Variants in FRAS1 observed in about 807,000 individuals in gnomAD.
The protein encoded by FRAS1 is Fraser extracellular matrix complex subunit 1.
FRAS1 carries 290 observed loss-of-function variants against 435.2 expected under a neutral mutation model. The ratio of observed to expected loss-of-function variants is 0.67; its 90% CI spans 0.61 to 0.73. The LOEUF is 0.73. Among genes scored for constraint, FRAS1 ranks in the 30% least tolerant of loss-of-function variants. The probability of loss-of-function intolerance (pLI) is 0.00; values close to 1 mark genes in which losing one functional copy is unlikely to be tolerated. For synonymous variants in FRAS1, 1,800 were observed against 1,851.0 expected, an observed-to-expected ratio of 0.97 and a Z score of 0.71; for missense variants, 4,860 against 5,001.5, an observed-to-expected ratio of 0.97 and a Z score of 0.85.
intron 63 of FRAS1, among the ~76,000 whole-genome samples, chr4:78,509,371 A>C (rs80309071): frequency 0.14 from 21,962 of 152,056 alleles, 1,901 homozygotes; most frequent in Non-Finnish European, 0.21. Flanking sequence ...TCAGTGAAAA[A>C]CTCCAGATAG....
intron 40 of FRAS1, among the ~76,000 whole-genome samples, chr4:78,440,221 A>G (rs954221404): frequency 6.6e-6 from 1 of 150,780 alleles, no homozygotes; most frequent in Admixed American, 6.6e-5. Context: ...TTTAGTAGAG[A>G]CGGGGTTTCA....
At chr4:78,539,891 A>G (rs1721996502) in intron 73 of FRAS1, among the ~76,000 whole-genome samples, 1 of 152,218 alleles carries the variant, frequency 6.6e-6, no homozygotes, top group African/African-American at 2.4e-5. Context: ...TCAAGATGAA[A>G]TTTCACTTTT....
At chr4:78,237,921 C>T (rs994277568) in intron 3 of FRAS1, among the ~76,000 whole-genome samples, 1 of 152,010 alleles carries the variant, frequency 6.6e-6, no homozygotes, top group Non-Finnish European at 1.5e-5. Flanking sequence ...ATCTTTATCC[C>T]CACTTTATAG....
In FRAS1 at chr4:78,141,364, A is replaced by G. The variant is rs569915122; in HGVS notation, c.108+75348A>G. Among the ~76,000 whole-genome samples the G allele has an allele frequency of 4.6e-5, 7 of 152,274 alleles. No individual in the cohort carries two copies. In the East Asian group the frequency reaches 1.3e-3, roughly 29 times the overall value. ...TAAATTGAAGTGGGTTATGAAAAGA[A>G]TGTTTATTTGAGATTTCATTTTAAA... On this transcript the variant is annotated intron_variant, in intron 2 of 73. Transcript: ENST00000512123.
intron 70 of FRAS1, among the ~76,000 whole-genome samples, chr4:78,532,407 A>G (rs1481000012): frequency 6.6e-6 from 1 of 152,066 alleles, no homozygotes; most frequent in Admixed American, 6.6e-5. Flanking sequence ...TATGGTATAT[A>G]TTTAAGGTGT....
intron 2 of FRAS1, among the ~76,000 whole-genome samples, chr4:78,236,362 A>T (rs1724762619): frequency 6.6e-6 from 1 of 151,444 alleles, no homozygotes; most frequent in Non-Finnish European, 1.5e-5. Context: ...ATTTTTTGGG[A>T]ACAGGTGGTG....
intron 31 of FRAS1, among the ~76,000 whole-genome samples, 195 bp from the exon 32 acceptor site, chr4:78,412,774 A>AAATCAGTAAAAGATCAATATTAAAATATG (rs1474077685): frequency 6.6e-6 from 1 of 152,198 alleles, no homozygotes; most frequent in Non-Finnish European, 1.5e-5. Context: ...GCTTAAAATG[A>AAATCAGTAAAAGATCAATATTAAAATATG]AATCAGTAAA....
intron 2 of FRAS1, among the ~76,000 whole-genome samples, chr4:78,075,652 G>C (rs1443896025): frequency 6.6e-6 from 1 of 152,160 alleles, no homozygotes; most frequent in Non-Finnish European, 1.5e-5. Flanking sequence ...TTAAAATAGA[G>C]ATAATAGTTG....
At chr4:78,491,669 A>G (rs1304772620) in intron 59 of FRAS1, among the ~76,000 whole-genome samples, 4 of 152,210 alleles carry the variant, frequency 2.6e-5, no homozygotes, top group African/African-American at 9.6e-5. Flanking sequence ...AACAAGAGCT[A>G]TTTATGACAA....
At chr4:78,128,774 C>G (rs1578142751) in intron 2 of FRAS1, among the ~76,000 whole-genome samples, 1 of 152,284 alleles carries the variant, frequency 6.6e-6, no homozygotes, top group Middle Eastern at 3.4e-3. Flanking sequence ...TCCCATTTGT[C>G]AATTTTGGCT....
intron 9 of FRAS1, 61 bp downstream of exon 9, chr4:78,267,493 G>C: frequency 1.3e-6 from 2 of 1,488,240 alleles, no homozygotes; most frequent in South Asian, 2.5e-5. Context: ...GATAGTGAGG[G>C]GTCCTGCCTG....
chr4:78,060,112 GT>G (rs1348792509), intron 1 of FRAS1, among the ~76,000 whole-genome samples: 1 of 152,010 alleles, frequency 6.6e-6, no homozygotes, highest in Non-Finnish European at 1.5e-5. Context: ...AGCAGGTATT[GT>G]TTGCCTGGCT....
At chr4:78,279,188 A>C (rs565542733) in intron 10 of FRAS1, among the ~76,000 whole-genome samples, 1 of 152,340 alleles carries the variant, frequency 6.6e-6, no homozygotes, top group South Asian at 2.1e-4. Flanking sequence ...CATACCAGGA[A>C]TAGGGATCAG....
chr4:78,527,023 A>G (rs2109898921), intron 70 of FRAS1, among the ~76,000 whole-genome samples: 2 of 152,290 alleles, frequency 1.3e-5, no homozygotes, highest in East Asian at 3.9e-4. Context: ...GAAGGCTGTA[A>G]TGTGCCTTAT....
intron 23 of FRAS1, among the ~76,000 whole-genome samples, chr4:78,371,607 T>C (rs908270027): frequency 1.3e-5 from 2 of 152,154 alleles, no homozygotes; most frequent in African/African-American, 2.4e-5. Flanking sequence ...ACCAGGATAA[T>C]ATAGATAAAA....
In FRAS1 at chr4:78,439,031, A is replaced by T. The variant is rs1224894773; in HGVS notation, c.5496A>T (p.Pro1832=). 6.2e-7 allele frequency: 1 copy of T among 1,613,546 alleles called. No individual in the cohort carries two copies. Among genetic ancestry groups the T allele is most frequent in the East Asian group, 2.2e-5 (1 of 44,870 alleles). ...TCATGATCACTCCTGCTGAAAATCC[A>T]CCTCCAGTCATTGCTTTTGCTGACC... ...FTIMITPAEN[P]PPVIAFADLI... The change falls in exon 40 of 74, where the codon CCA becomes CCT. Residue 1832 remains proline (P), a synonymous_variant. Coordinates refer to ENST00000512123, the MANE Select transcript of FRAS1 (RefSeq NM_025074.7).
At chr4:78,064,694 A>G (rs1347760203) in intron 1 of FRAS1, among the ~76,000 whole-genome samples, 1 of 152,028 alleles carries the variant, frequency 6.6e-6, no homozygotes, top group Non-Finnish European at 1.5e-5. Context: ...CCTAAGTGTA[A>G]ATAGTCATCT....
Position 78,432,622 on chromosome 4 carries a change from CTG to C in FRAS1, c.5217+22_5217+23del. 1.3e-6 allele frequency: 2 copies of C among 1,548,506 alleles called. No individual in the cohort carries two copies. The highest frequency in any genetic ancestry group is 1.7e-6 in the Non-Finnish European group (2 of 1,145,394). ...CTTACGTGGTAAGTTCTTCCATTTGCTGTGTTTGTTCTCCACCGCCGCATCTT... is the reference window on the plus strand; with the variant it reads ...CTTACGTGGTAAGTTCTTCCATTTGCTGTTTGTTCTCCACCGCCGCATCTT... On this transcript the variant is annotated intron_variant, in intron 38 of 73. Transcript: ENST00000512123.
rs371329044 is a variant in FRAS1 at position 78,432,524 on chromosome 4, C to A, written c.5137C>A (p.Leu1713Met). Residue 1713 changes from leucine to methionine, a missense_variant, in exon 38 of 74, where the codon CTG becomes ATG. Coordinates refer to ENST00000512123, the MANE Select transcript of FRAS1 (RefSeq NM_025074.7). ...CCTGTCAGAAGACCGAGGGCCTCGA[C>A]TGGCTGCTGGCTCCTCTCTGAGCAT... ...VSLSEDRGPR[L>M]AAGSSLSITV... The A allele has an allele frequency of 3.7e-6, 6 of 1,612,804 alleles. No individual in the cohort carries two copies. In the African/African-American group the frequency reaches 8.0e-5, roughly 21 times the overall value.
Sources: gnomAD v4.1 joint callset for allele counts (sites outside exome capture counted in the v4.1 genomes callset) on GRCh38, gnomAD v4.1.1 for gene constraint, MANE v1.5 for transcripts, NCBI Gene and HGNC (gene_info 2026-07-23, HGNC 2026-07-21) for gene names.